Variants in GDA observed in about 807,000 individuals in gnomAD.
GDA encodes the protein guanine deaminase.
GDA carries 18 observed loss-of-function variants against 59.6 expected under a neutral mutation model. That is an observed-to-expected ratio of 0.30 (90% CI 0.21 to 0.45). The LOEUF (loss-of-function observed/expected upper bound fraction) is 0.45, where lower values mean the gene tolerates loss of function less well. Ranked by LOEUF, GDA falls within the 20% of genes least tolerant of loss-of-function variation. GDA has a pLI of 1.00. For missense variants in GDA, 427 were observed against 552.3 expected, an observed-to-expected ratio of 0.77 and a Z score of 2.27; for synonymous variants, 201 against 201.1, an observed-to-expected ratio of 1.00 and a Z score of 0.00.
chr9:72,245,056 G>A (rs1840004951), intron 11 of GDA, 92 bp from the exon 12 acceptor site: 14 of 1,216,646 alleles, frequency 1.2e-5, no homozygotes, highest in South Asian at 5.9e-5. Context: ...TTCTCCTAGC[G>A]ACATGTTGGC....
At chr9:72,179,354 T>C (rs576916319) in intron 1 of GDA, among the ~76,000 whole-genome samples, 1 of 152,378 alleles carries the variant, frequency 6.6e-6, no homozygotes, top group African/African-American at 2.4e-5. Context: ...GGCATATCTC[T>C]ATTTTAAAAT....
intron 1 of GDA, among the ~76,000 whole-genome samples, chr9:72,141,988 A>T (rs975787912): frequency 2.2e-4 from 33 of 152,312 alleles, no homozygotes; most frequent in African/African-American, 7.7e-4. Flanking sequence ...GATGCTTAGG[A>T]GGATTGTTCA....
chr9:72,198,659 AAC>A (rs992438051), intron 2 of GDA, among the ~76,000 whole-genome samples: 1 of 151,514 alleles, frequency 6.6e-6, no homozygotes, highest in Non-Finnish European at 1.5e-5. Flanking sequence ...ACTTTCAAAT[AAC>A]ATGGATTCTC....
chr9:72,151,085 A>G (rs1217841135), intron 1 of GDA, among the ~76,000 whole-genome samples: 2 of 152,216 alleles, frequency 1.3e-5, no homozygotes, highest in East Asian at 1.9e-4. Context: ...GGTAACAGGC[A>G]ACTGGTTTTA....
chr9:72,161,513 TAAG>T (rs1322234148), intron 1 of GDA, among the ~76,000 whole-genome samples: 1 of 152,172 alleles, frequency 6.6e-6, no homozygotes, highest in Non-Finnish European at 1.5e-5. Flanking sequence ...GGTGAGTAAT[TAAG>T]AACCCTAGAA....
At position 72,149,509 on chromosome 9, in the gene GDA, C is replaced by A; in HGVS notation, c.-51C>A. 6.3e-7 allele frequency: 1 copy of A among 1,598,612 alleles called. No homozygotes were observed. Among genetic ancestry groups the A allele is most frequent in the Non-Finnish European group, 8.5e-7 (1 of 1,175,804 alleles). ...TGCAGAGAGTCCCGCTGCGTCTCCG[C>A]CGCGTGCGCCCTCCTCGACCAGCAG... On this transcript the variant is annotated 5_prime_UTR_variant, in exon 1 of 14. Transcript: ENST00000358399.
chr9:72,253,070 G>A (rs940920497), downstream of GDA, among the ~76,000 whole-genome samples: 1 of 152,070 alleles, frequency 6.6e-6, no homozygotes, highest in Non-Finnish European at 1.5e-5. Flanking sequence ...GAAACACTTT[G>A]CATCTGATTT....
intron 1 of GDA, among the ~76,000 whole-genome samples, chr9:72,119,338 C>T (rs1409733958): frequency 6.6e-6 from 1 of 152,146 alleles, no homozygotes; most frequent in African/African-American, 2.4e-5. Flanking sequence ...AACCACATCT[C>T]TACTAAAAAT....
At chr9:72,115,817 TAACTC>T (rs923560038) in intron 1 of GDA, among the ~76,000 whole-genome samples, 13 of 152,330 alleles carry the variant, frequency 8.5e-5, no homozygotes, top group East Asian at 5.8e-4. Flanking sequence ...ATGTAAATCA[TAACTC>T]AACAAGGTTG....
Position 72,214,011 on chromosome 9 carries a change from T to C in GDA, c.578+20T>C. 1 of 1,304,744 alleles carries C rather than the reference T, an allele frequency of 7.7e-7. No homozygotes were observed. The highest frequency in any genetic ancestry group is 1.1e-6 in the Non-Finnish European group (1 of 898,330). 80.8% of individuals were successfully genotyped at this position (1,304,744 alleles called of 1,614,324 possible). A position where few individuals can be genotyped will look rare whatever the true frequency, so the allele number is the denominator to read the frequency against. The stretch of plus-strand genomic sequence containing the variant: ...TGAGAGGTAAAAGGCCCATTTGTCT[T>C]GATTTGTCTTACAGGTGAATTCCTG... On this transcript the variant is annotated intron_variant, in intron 5 of 13. Coordinates refer to ENST00000358399, the MANE Select transcript of GDA (RefSeq NM_004293.5).
intron 1 of GDA, among the ~76,000 whole-genome samples, chr9:72,156,713 G>A (rs1045421231): frequency 1.3e-5 from 2 of 152,166 alleles, no homozygotes; most frequent in African/African-American, 2.4e-5. Flanking sequence ...ACATCATGGT[G>A]TAAGCCAGTC....
chr9:72,121,923 T>A (rs79884968), intron 1 of GDA, among the ~76,000 whole-genome samples: 5,097 of 152,246 alleles, frequency 0.033, 302 homozygotes, highest in African/African-American at 0.12. Context: ...CCTTGAAACA[T>A]TGACTTCCAT....
At chr9:72,139,171 T>C (rs1008183033) in intron 1 of GDA, among the ~76,000 whole-genome samples, 1 of 152,228 alleles carries the variant, frequency 6.6e-6, no homozygotes, top group Non-Finnish European at 1.5e-5. Flanking sequence ...TTTTTTTATA[T>C]GACTTGTTCG....
downstream of GDA, among the ~76,000 whole-genome samples, chr9:72,259,636 A>C (rs549613368): frequency 4.5e-4 from 68 of 152,266 alleles, no homozygotes; most frequent in African/African-American, 1.6e-3. Flanking sequence ...GACACGGCCT[A>C]AGTCTCTTTG....
chr9:72,207,463 A>G (rs935699844), intron 3 of GDA, among the ~76,000 whole-genome samples: 3 of 152,218 alleles, frequency 2.0e-5, no homozygotes, highest in African/African-American at 7.2e-5. Context: ...CCTATTCATC[A>G]AAGGATGCTA....
intron 1 of GDA, among the ~76,000 whole-genome samples, chr9:72,154,785 C>A (rs945500569): frequency 6.6e-6 from 1 of 152,204 alleles, no homozygotes; most frequent in African/African-American, 2.4e-5. Context: ...TCTTTACTGT[C>A]GCTGACTGCT....
chr9:72,174,764 A>AGAGAGAG, intron 1 of GDA, among the ~76,000 whole-genome samples: 1 of 145,456 alleles, frequency 6.9e-6, no homozygotes, highest in Non-Finnish European at 1.5e-5. Flanking sequence ...ATATATATAG[A>AGAGAGAG]GAGAGAGAGA....
At chr9:72,139,160 C>CT (rs1222177030) in intron 1 of GDA, among the ~76,000 whole-genome samples, 2 of 152,132 alleles carry the variant, frequency 1.3e-5, no homozygotes, top group South Asian at 2.1e-4. Flanking sequence ...CAAAGTAGGG[C>CT]TTTTTTTATA....
chr9:72,192,224 T>TA, intron 1 of GDA, among the ~76,000 whole-genome samples: 1 of 27,212 alleles, frequency 3.7e-5, no homozygotes, highest in Admixed American at 4.2e-4. Context: ...TCAAATAGCC[T>TA]TTTTTTTTTT....
Sources: gnomAD v4.1 joint callset for allele counts (sites outside exome capture counted in the v4.1 genomes callset) on GRCh38, gnomAD v4.1.1 for gene constraint, MANE v1.5 for transcripts, NCBI Gene and HGNC (gene_info 2026-07-23, HGNC 2026-07-21) for gene names.